PARD3B: variants seen among roughly 807,000 people sequenced by gnomAD.
PARD3B encodes par-3 family cell polarity regulator beta, also known as partitioning defective 3 homolog B.
Under a neutral mutation model 130.2 loss-of-function variants are expected in PARD3B, and 103 were observed. The observed-to-expected ratio is 0.79, with a 90% CI of 0.67 to 0.93. PARD3B has a LOEUF of 0.93. Among genes scored for constraint, PARD3B ranks in the 40% least tolerant of loss-of-function variants. The pLI is 0.00. For synonymous variants in PARD3B, 583 were observed against 553.2 expected, an observed-to-expected ratio of 1.05 and a Z score of -0.76; for missense variants, 1,609 against 1,499.2, an observed-to-expected ratio of 1.07 and a Z score of -1.21.
chr2:204,803,862 A>C (rs1248492202), intron 2 of PARD3B, among the ~76,000 whole-genome samples: 1 of 152,182 alleles, frequency 6.6e-6, no homozygotes, highest in African/African-American at 2.4e-5. Flanking sequence ...ACTTACCAAT[A>C]ATAACATTGA....
rs557169064 is a variant in PARD3B, at chr2:205,585,144, C to T, written c.3261-30312C>T. Among the ~76,000 whole-genome samples the T allele has an allele frequency of 6.6e-6, 1 of 152,340 alleles. No homozygotes were observed. The highest frequency in any genetic ancestry group is 1.9e-4 in the East Asian group (1 of 5,184). The stretch of plus-strand genomic sequence containing the variant: ...CACAGCCTTGGAATGATTGCTCACT[C>T]CTTTCTGGCTTAGTCTTTTTTGTGG... On this transcript the variant is annotated intron_variant, in intron 22 of 22. Transcript: ENST00000406610. The surrounding 1 kb of genome is among the most constrained non-coding windows in gnomAD (Gnocchi z 5.4).
chr2:204,605,850 G>A (rs552701392), intron 1 of PARD3B, among the ~76,000 whole-genome samples: 1 of 152,166 alleles, frequency 6.6e-6, no homozygotes, highest in Admixed American at 6.6e-5. Context: ...TTATGGCATA[G>A]CATTCAAGAC....
At chr2:204,766,645 T>C (rs1422542749) in intron 2 of PARD3B, among the ~76,000 whole-genome samples, 2 of 152,062 alleles carry the variant, frequency 1.3e-5, no homozygotes, top group Non-Finnish European at 2.9e-5. Context: ...TGAATTCATA[T>C]TCATCCTCAT....
At chr2:204,913,255 A>T (rs1335588038) in intron 2 of PARD3B, among the ~76,000 whole-genome samples, 2 of 152,126 alleles carry the variant, frequency 1.3e-5, no homozygotes, top group Non-Finnish European at 2.9e-5. Context: ...TCAAATGTAT[A>T]GATTGTCTGC....
intron 15 of PARD3B, among the ~76,000 whole-genome samples, chr2:205,226,964 A>G (rs576507838): frequency 6.6e-6 from 1 of 151,994 alleles, no homozygotes; most frequent in East Asian, 1.9e-4. Flanking sequence ...GTTAATTTCC[A>G]TGTGTTTATA....
At chr2:205,152,923 A>C (rs1440340653) in intron 10 of PARD3B, among the ~76,000 whole-genome samples, 2 of 152,014 alleles carry the variant, frequency 1.3e-5, no homozygotes, top group African/African-American at 2.4e-5. Context: ...GATGATGGTG[A>C]CCTACAGATG....
intron 2 of PARD3B, among the ~76,000 whole-genome samples, chr2:204,708,838 C>G (rs1234469553): frequency 6.6e-6 from 1 of 152,038 alleles, no homozygotes; most frequent in Non-Finnish European, 1.5e-5. Context: ...TCAAGTGTCA[C>G]CTACATAGAC....
chr2:205,484,497 CTTG>C (rs1288262470), intron 20 of PARD3B, among the ~76,000 whole-genome samples: 1 of 152,126 alleles, frequency 6.6e-6, no homozygotes, highest in Non-Finnish European at 1.5e-5. Context: ...TGGGAAAGCA[CTTG>C]TTGGGAAAGA....
chr2:204,766,469 G>T (rs947241337), intron 2 of PARD3B, among the ~76,000 whole-genome samples: 3 of 152,014 alleles, frequency 2.0e-5, no homozygotes, highest in Non-Finnish European at 1.5e-5. Flanking sequence ...CCTGAAGTTT[G>T]TCATAAGTTC....
At chr2:204,649,010 T>C (rs1461595645) in intron 1 of PARD3B, among the ~76,000 whole-genome samples, 1 of 87,438 alleles carries the variant, frequency 1.1e-5, no homozygotes, top group Non-Finnish European at 2.0e-5. Context: ...TTATAATAGA[T>C]ATCATATAAA....
At chr2:205,168,861 T>C (rs558324353) in intron 11 of PARD3B, among the ~76,000 whole-genome samples, 1 of 152,292 alleles carries the variant, frequency 6.6e-6, no homozygotes, top group African/African-American at 2.4e-5. Context: ...TTGTCATCTA[T>C]GTAGAATATA....
At chr2:205,080,576 A>G (rs1271376240) in intron 4 of PARD3B, among the ~76,000 whole-genome samples, 2 of 152,096 alleles carry the variant, frequency 1.3e-5, no homozygotes, top group Non-Finnish European at 2.9e-5. Flanking sequence ...TCTACTCTTG[A>G]TGAATATTTG....
chr2:205,499,776 T>C, intron 20 of PARD3B, 120 bp from the exon 21 acceptor site: 1 of 1,171,020 alleles, frequency 8.5e-7, no homozygotes, highest in South Asian at 1.8e-5. Context: ...CCTGGCATAT[T>C]TGAATTACAT....
chr2:204,651,983 C>T (rs2035494288), intron 1 of PARD3B, among the ~76,000 whole-genome samples: 1 of 152,182 alleles, frequency 6.6e-6, no homozygotes, highest in African/African-American at 2.4e-5. Context: ...CCCAAGGCAG[C>T]ACAGAACATC....
chr2:204,854,562 G>A (rs1263877142), intron 2 of PARD3B, among the ~76,000 whole-genome samples: 1 of 152,054 alleles, frequency 6.6e-6, no homozygotes, highest in Non-Finnish European at 1.5e-5. Flanking sequence ...CAGTAATGGG[G>A]CATCGTTTTC....
intron 2 of PARD3B, among the ~76,000 whole-genome samples, chr2:204,765,055 A>T (rs1332293667): frequency 6.6e-6 from 1 of 152,146 alleles, no homozygotes; most frequent in Non-Finnish European, 1.5e-5. Flanking sequence ...GAGATTTACC[A>T]GTGTATTTTT....
intron 18 of PARD3B, among the ~76,000 whole-genome samples, chr2:205,394,872 G>C (rs930693197): frequency 1.3e-5 from 2 of 152,210 alleles, no homozygotes; most frequent in African/African-American, 4.8e-5. Flanking sequence ...TATATGTAGA[G>C]TGGGTACACA....
At chr2:205,222,543 C>T (rs2038298924) in intron 15 of PARD3B, among the ~76,000 whole-genome samples, 1 of 152,120 alleles carries the variant, frequency 6.6e-6, no homozygotes. Flanking sequence ...TCATTTCCTT[C>T]CTATCTGTTA....
At chr2:204,633,312 A>G (rs1448858118) in intron 1 of PARD3B, among the ~76,000 whole-genome samples, 2 of 152,166 alleles carry the variant, frequency 1.3e-5, no homozygotes, top group Admixed American at 6.5e-5. Flanking sequence ...TTTTATGAAT[A>G]TGAAATCTGT....
Sources: gnomAD v4.1 joint callset for allele counts (sites outside exome capture counted in the v4.1 genomes callset) on GRCh38, gnomAD v4.1.1 for gene constraint, Gnocchi (gnomAD v3.1) non-coding constraint, MANE v1.5 for transcripts, NCBI Gene and HGNC (gene_info 2026-07-23, HGNC 2026-07-21) for gene names.